Variants in PRR16 observed in about 807,000 individuals in gnomAD.
PRR16 encodes the protein proline rich 16, also known as protein Largen.
PRR16 carries 6 observed loss-of-function variants against 18.2 expected under a neutral mutation model. The observed-to-expected ratio is 0.33, with a 90% confidence interval of 0.18 to 0.65. The LOEUF is 0.65. Among genes scored for constraint, PRR16 ranks in the 30% least tolerant of loss-of-function variants. The probability of loss-of-function intolerance (pLI) is 0.74; values close to 1 mark genes in which losing one functional copy is unlikely to be tolerated. For synonymous variants in PRR16, 151 were observed against 147.8 expected (o/e 1.02, Z -0.16); for missense variants, 412 against 376.6 (o/e 1.09, Z -0.78).
chr5:120,658,350 GA>G lies in PRR16; in HGVS notation c.160-27590del, dbSNP rs70985235. ...TTGTAACAGTTTCCCATGAGTGGGGGAAAAAAAAAAAAAAGCTCTGAATTCT... is the reference window on the plus strand; with the variant it reads ...TTGTAACAGTTTCCCATGAGTGGGGGAAAAAAAAAAAAAGCTCTGAATTCT... On this transcript the variant is annotated intron_variant, in intron 1 of 1. Transcript: ENST00000407149. 1.4e-3 allele frequency: 206 copies of G among 143,158 alleles called. 1 individual carries two copies. Among genetic ancestry groups the G allele is most frequent in the Middle Eastern group, 3.6e-3 (1 of 278 alleles). 8.9% of individuals were successfully genotyped at this position (143,158 alleles called of 1,614,324 possible).
intron 1 of PRR16, among the ~76,000 whole-genome samples, chr5:120,507,071 A>T (rs940716321): frequency 1.2e-4 from 19 of 152,268 alleles, no homozygotes; most frequent in African/African-American, 4.1e-4. Context: ...GAAATACAAT[A>T]GGAGAAATCC....
At chr5:120,782,813 T>A in the PRR16 span, among the ~76,000 whole-genome samples, 33 of 152,302 alleles carry the variant, frequency 2.2e-4, no homozygotes, top group Non-Finnish European at 4.4e-5. Context: ...AATGTTAATG[T>A]ATATAACTGT....
In PRR16 at chr5:120,503,257, T is replaced by C. The variant is rs185462771; in HGVS notation, c.159+38612T>C. On this transcript the variant is annotated intron_variant, in intron 1 of 1. Coordinates refer to ENST00000407149, the MANE Select transcript of PRR16 (RefSeq NM_001300783.2). Reference sequence around the variant, plus strand: ...GATGAGTGAGGGAAAAGGAGCAAAATTGTAGAAAAATATTTACTTAAAAAG... The same window carrying C: ...GATGAGTGAGGGAAAAGGAGCAAAACTGTAGAAAAATATTTACTTAAAAAG... 8.5e-4 allele frequency among the ~76,000 whole-genome samples: 130 copies of C among 152,188 alleles called. 1 individual carries two copies. Among genetic ancestry groups the C allele is most frequent in the African/African-American group, 2.9e-3 (119 of 41,552 alleles).
the PRR16 span, among the ~76,000 whole-genome samples, chr5:120,767,286 G>C: frequency 2.1e-4 from 32 of 152,064 alleles, no homozygotes; most frequent in Admixed American, 1.6e-3. Context: ...GACATTGGTT[G>C]ACTTAGTGAT....
intron 1 of PRR16, among the ~76,000 whole-genome samples, chr5:120,624,063 T>C (rs952852818): frequency 6.6e-6 from 1 of 152,178 alleles, no homozygotes; most frequent in South Asian, 2.1e-4. Flanking sequence ...GGACATAAAT[T>C]GTGCAAGATT....
chr5:120,623,299 G>C (rs374340876), intron 1 of PRR16, among the ~76,000 whole-genome samples: 1 of 151,974 alleles, frequency 6.6e-6, no homozygotes, highest in East Asian at 1.9e-4. Flanking sequence ...GATTTTTCTT[G>C]GTAGTTTTAT....
At chr5:120,644,703 A>G (rs768524189) in intron 1 of PRR16, among the ~76,000 whole-genome samples, 35 of 152,140 alleles carry the variant, frequency 2.3e-4, no homozygotes, top group Middle Eastern at 3.2e-3. Context: ...TTCATTTGAC[A>G]TGGCATTTGG....
intron 1 of PRR16, among the ~76,000 whole-genome samples, chr5:120,479,575 A>G (rs1262859765): frequency 6.6e-6 from 1 of 152,184 alleles, no homozygotes; most frequent in East Asian, 1.9e-4. Flanking sequence ...AACTGCTTTA[A>G]CAAATCACCA....
intron 1 of PRR16, among the ~76,000 whole-genome samples, chr5:120,474,748 A>G (rs889962026): frequency 6.6e-6 from 1 of 152,114 alleles, no homozygotes; most frequent in Admixed American, 6.6e-5. Flanking sequence ...AATAAAAGTT[A>G]AATTGGTATT....
the PRR16 span, among the ~76,000 whole-genome samples, chr5:120,702,782 T>G: frequency 1.3e-5 from 2 of 150,730 alleles, no homozygotes; most frequent in African/African-American, 2.4e-5. Flanking sequence ...GTGAGAGAGG[T>G]TGGAGAAGAG....
intron 1 of PRR16, among the ~76,000 whole-genome samples, chr5:120,669,508 C>T (rs1406573917): frequency 6.6e-6 from 1 of 152,008 alleles, no homozygotes; most frequent in Admixed American, 6.6e-5. Context: ...TTACAAATTA[C>T]TCAGAATATT....
At chr5:120,544,158 C>A (rs1432722177) in intron 1 of PRR16, among the ~76,000 whole-genome samples, 1 of 152,130 alleles carries the variant, frequency 6.6e-6, no homozygotes, top group Admixed American at 6.6e-5. Flanking sequence ...AAGGAAAACA[C>A]AGGGCCCTGA....
chr5:120,764,634 C>G, the PRR16 span, among the ~76,000 whole-genome samples: 1 of 151,692 alleles, frequency 6.6e-6, no homozygotes, highest in Non-Finnish European at 1.5e-5. Context: ...CTTGATTAAT[C>G]AAGGAAAAGA....
chr5:120,572,536 A>G (rs1394789372), intron 1 of PRR16, among the ~76,000 whole-genome samples: 1 of 152,164 alleles, frequency 6.6e-6, no homozygotes, highest in African/African-American at 2.4e-5. Context: ...CAACGTAGAT[A>G]TACAAGTAGG....
At chr5:120,504,065 G>A (rs1296051392) in intron 1 of PRR16, among the ~76,000 whole-genome samples, 1 of 151,086 alleles carries the variant, frequency 6.6e-6, no homozygotes, top group African/African-American at 2.4e-5. Flanking sequence ...GGGTACATGT[G>A]CACAATGTGC....
the PRR16 span, among the ~76,000 whole-genome samples, chr5:120,703,945 T>C: frequency 6.6e-6 from 1 of 152,216 alleles, no homozygotes; most frequent in Non-Finnish European, 1.5e-5. Context: ...TGTCAGTATG[T>C]ACTGTCTCTA....
At chr5:120,760,779 T>G in the PRR16 span, among the ~76,000 whole-genome samples, 1 of 152,116 alleles carries the variant, frequency 6.6e-6, no homozygotes, top group African/African-American at 2.4e-5. Flanking sequence ...TTCCCCAGCT[T>G]GCCTCCCTCA....
the PRR16 span, among the ~76,000 whole-genome samples, chr5:120,728,386 C>G: frequency 6.7e-6 from 1 of 149,982 alleles, no homozygotes; most frequent in Non-Finnish European, 1.5e-5. Context: ...GACACAAAGA[C>G]AACAAATTAT....
chr5:120,721,049 T>G, the PRR16 span, among the ~76,000 whole-genome samples: 1 of 152,118 alleles, frequency 6.6e-6, no homozygotes, highest in Non-Finnish European at 1.5e-5. Flanking sequence ...ATATGGAAAC[T>G]TTTAAACATC....
Sources: allele counts gnomAD v4.1 joint callset (sites outside exome capture counted in the v4.1 genomes callset), GRCh38; gene constraint gnomAD v4.1.1; transcripts MANE v1.5; gene names NCBI Gene and HGNC (gene_info 2026-07-23, HGNC 2026-07-21).